Variants in PPFIA1 observed in about 807,000 individuals in gnomAD.
PPFIA1 encodes the protein PPFI scaffold protein A1.
PPFIA1 carries 25 observed loss-of-function variants against 149.9 expected under a neutral mutation model. The observed-to-expected ratio is 0.17, with a 90% confidence interval of 0.12 to 0.23. The LOEUF (loss-of-function observed/expected upper bound fraction) is 0.23. Ranked by LOEUF, PPFIA1 falls within the 10% of genes least tolerant of loss-of-function variation. The pLI, the probability that PPFIA1 is intolerant of heterozygous loss-of-function variation, is 1.00. For missense variants in PPFIA1, 1,362 were observed against 1,506.5 expected, an observed-to-expected ratio of 0.90 and a Z score of 1.59; for synonymous variants, 549 against 552.8, an observed-to-expected ratio of 0.99 and a Z score of 0.10.
intron 9 of PPFIA1, chr11:70,333,208 G>A (rs2054772530): frequency 1.8e-6 from 1 of 558,380 alleles, no homozygotes; most frequent in Admixed American, 2.3e-5. Flanking sequence ...TTGAGATTGG[G>A]CATAGGGGTT....
chr11:70,367,919 T>C (rs2057030488), intron 21 of PPFIA1, among the ~76,000 whole-genome samples: 1 of 152,128 alleles, frequency 6.6e-6, no homozygotes, highest in Non-Finnish European at 1.5e-5. Context: ...GTGGATCGCT[T>C]TCAGCCCAGG....
At position 70,362,109 on chromosome 11, in the gene PPFIA1, A is replaced by C; in HGVS notation, c.2597A>C (p.Glu866Ala). 6.2e-7 allele frequency: 1 copy of C among 1,614,098 alleles called. No individual in the cohort carries two copies. The highest frequency in any genetic ancestry group is 1.3e-5 in the African/African-American group (1 of 75,042). ...CTCCTTTATAGGCATGAATTGCTGG[A>C]GGAAGCCCGGAGACAAGGTTTACCT... ...RKLQKKHELL[E>A]EARRQGLPFA... The change falls in exon 20 of 28, where the codon GAG becomes GCG. Residue 866 changes from glutamate (E) to alanine (A), a missense_variant. Glu to Ala is a moderately radical substitution (Grantham distance 107). Coordinates refer to ENST00000253925, the MANE Select transcript of PPFIA1 (RefSeq NM_003626.5).
Position 70,341,303 on chromosome 11 carries a change from G to A in PPFIA1, c.1707+1997G>A, listed in dbSNP as rs1424506098. On this transcript the variant is annotated intron_variant, in intron 14 of 27. Transcript: ENST00000253925. ...GTGAGGGTGACGTCTGAGCAGGGGC[G>A]TGAAGGAGGAAGGAGAAGGAGCACA... Among the ~76,000 whole-genome samples the A allele has an allele frequency of 2.0e-5, 3 of 151,068 alleles. No homozygotes were observed. The East Asian group carries it at 5.8e-4, about 29-fold the overall frequency.
intron 2 of PPFIA1, among the ~76,000 whole-genome samples, chr11:70,293,981 C>T (rs2051717674): frequency 6.7e-6 from 1 of 149,314 alleles, no homozygotes; most frequent in South Asian, 2.1e-4. Context: ...CCTGTGTCGC[C>T]CAGGCTGGAG....
chr11:70,358,969 C>T (rs900751056), intron 19 of PPFIA1, among the ~76,000 whole-genome samples: 3 of 152,216 alleles, frequency 2.0e-5, no homozygotes, highest in African/African-American at 4.8e-5. Flanking sequence ...TTCATGTTCT[C>T]CTTTTTGTCT....
chr11:70,329,812 C>T (rs1472382292), intron 7 of PPFIA1: 2 of 202,692 alleles, frequency 9.9e-6, no homozygotes, highest in African/African-American at 4.7e-5. Context: ...CTTGTAGTCC[C>T]AGCTACTGGG....
At chr11:70,271,751 C>T (rs1321602522) in intron 1 of PPFIA1, among the ~76,000 whole-genome samples, 2 of 152,160 alleles carry the variant, frequency 1.3e-5, no homozygotes, top group African/African-American at 2.4e-5. Flanking sequence ...TCCTTCTGTG[C>T]TTTTCCTGAA....
chr11:70,276,462 C>T (rs947428255), intron 2 of PPFIA1, among the ~76,000 whole-genome samples: 3 of 152,060 alleles, frequency 2.0e-5, no homozygotes, highest in South Asian at 2.1e-4. Context: ...TTTATATTCA[C>T]GAGAAAGATT....
Position 70,332,037 on chromosome 11 carries a change from A to G in PPFIA1, c.1155A>G (p.Ala385=). The part of the protein sequence containing the change: ...EQKLQQTLRK[A]ETLPEVEAEL... ...AGCTGCAACAGACACTGAGGAAGGC[A>G]GAGACGCTCCCGGAGGTGGAGGCGG... The change falls in exon 9 of 28, where the codon GCA becomes GCG. Residue 385 remains alanine, a synonymous_variant. Transcript: ENST00000253925. The G allele has an allele frequency of 6.2e-7, 1 of 1,613,366 alleles. No homozygotes were observed. The highest frequency in any genetic ancestry group is 8.5e-7 in the Non-Finnish European group (1 of 1,179,678).
intron 1 of PPFIA1, chr11:70,271,904 C>T (rs1418718142): frequency 3.1e-6 from 1 of 324,826 alleles, no homozygotes; most frequent in Non-Finnish European, 5.7e-6. Flanking sequence ...CAGACTACCC[C>T]AGGGCTTGCC....
chr11:70,272,854 C>T (rs183164621), intron 2 of PPFIA1, among the ~76,000 whole-genome samples: 170 of 151,988 alleles, frequency 1.1e-3, no homozygotes, highest in Middle Eastern at 6.8e-3. Flanking sequence ...GGATTGATTT[C>T]ACGGAAAAAA....
intron 2 of PPFIA1, among the ~76,000 whole-genome samples, chr11:70,276,592 C>T (rs1004595434): frequency 7.9e-5 from 12 of 152,046 alleles, no homozygotes; most frequent in Non-Finnish European, 1.3e-4. Flanking sequence ...AGAGTTCCTA[C>T]GAAATTTGTG....
intron 2 of PPFIA1, among the ~76,000 whole-genome samples, chr11:70,317,469 A>G (rs1356958136): frequency 6.6e-6 from 1 of 152,218 alleles, no homozygotes; most frequent in East Asian, 1.9e-4. Flanking sequence ...TTTCTACTGT[A>G]GCCACAGCAG....
intron 19 of PPFIA1, 40 bp from the exon 20 acceptor site, chr11:70,362,055 C>G: frequency 6.3e-7 from 1 of 1,589,406 alleles, no homozygotes. Flanking sequence ...GCTACCATGC[C>G]TGGCTGATTC....
At chr11:70,288,602 C>G (rs923110012) in intron 2 of PPFIA1, among the ~76,000 whole-genome samples, 3 of 152,286 alleles carry the variant, frequency 2.0e-5, no homozygotes, top group Non-Finnish European at 4.4e-5. Context: ...TCCAGCTGTC[C>G]GTCCGTGTAC....
In PPFIA1 at chr11:70,339,253, C is replaced by T. The variant is rs775648303; in HGVS notation, c.1654C>T (p.Leu552=). 1 of 1,614,192 alleles carries T rather than the reference C, an allele frequency of 6.2e-7. No individual in the cohort carries two copies. The highest frequency in any genetic ancestry group is 1.1e-5 in the South Asian group (1 of 91,080). Residue 552 remains leucine, a synonymous_variant, in exon 14 of 28, where the codon CTG becomes TTG. Transcript: ENST00000253925. ...AGACTCCTACAGCACCAGTGCAGTG[C>T]TGCGGCGCCCACAGAAAGGCCGGCT... ...HTDSYSTSAV[L]RRPQKGRLAA... is the part of the protein sequence containing the mutation.
chr11:70,274,137 A>G lies in PPFIA1; in HGVS notation c.264+1701A>G, dbSNP rs578091278. Among the ~76,000 whole-genome samples, 39 of 152,346 alleles carry G rather than the reference A, an allele frequency of 2.6e-4. 1 individual carries two copies. The highest frequency in any genetic ancestry group is 8.9e-4 in the African/African-American group (37 of 41,592). Reference sequence around the variant, plus strand: ...AGCCTTTCAAAAATGGAAACTATTAAGTAAACTTGTTTTGGACCCTTCCCT... The same window carrying G: ...AGCCTTTCAAAAATGGAAACTATTAGGTAAACTTGTTTTGGACCCTTCCCT... On this transcript the variant is annotated intron_variant, in intron 2 of 27. Coordinates refer to ENST00000253925, the MANE Select transcript of PPFIA1 (RefSeq NM_003626.5).
At chr11:70,333,102 A>G (rs909016428) in intron 9 of PPFIA1, 1 of 468,850 alleles carries the variant, frequency 2.1e-6, no homozygotes, top group African/African-American at 2.0e-5. Context: ...GGAAGGTAGA[A>G]TGGGTGCACT....
intron 2 of PPFIA1, among the ~76,000 whole-genome samples, chr11:70,287,452 C>G (rs1016664262): frequency 4.6e-5 from 7 of 151,866 alleles, no homozygotes; most frequent in African/African-American, 1.7e-4. Context: ...TATACTGATT[C>G]TCAAAAATGC....
Sources: allele counts gnomAD v4.1 joint callset (sites outside exome capture counted in the v4.1 genomes callset), GRCh38; gene constraint gnomAD v4.1.1; transcripts MANE v1.5; gene names NCBI Gene and HGNC (gene_info 2026-07-23, HGNC 2026-07-21).